NPAS3: variants seen among roughly 807,000 people sequenced by gnomAD.
NPAS3 encodes the protein neuronal PAS domain protein 3, also known as neuronal PAS domain-containing protein 3.
A neutral mutation model predicts 73.1 loss-of-function variants in NPAS3; 14 were observed. The ratio of observed to expected loss-of-function variants is 0.19; its 90% confidence interval spans 0.13 to 0.30. The LOEUF (loss-of-function observed/expected upper bound fraction) is 0.30. Among genes scored for constraint, NPAS3 ranks in the 10% least tolerant of loss-of-function variants. The pLI is 1.00. For missense variants in NPAS3, 1,096 were observed against 1,250.0 expected, an observed-to-expected ratio of 0.88 and a Z score of 1.86; for synonymous variants, 620 against 541.5, an observed-to-expected ratio of 1.14 and a Z score of -2.01.
chr14:33,488,008 T>C (rs1391141968), intron 4 of NPAS3, among the ~76,000 whole-genome samples: 1 of 152,082 alleles, frequency 6.6e-6, no homozygotes. Context: ...ATTCACTGTA[T>C]ATGAGGCCCT....
At chr14:32,945,282 A>G (rs941956180) in intron 1 of NPAS3, among the ~76,000 whole-genome samples, 1 of 152,226 alleles carries the variant, frequency 6.6e-6, no homozygotes, top group African/African-American at 2.4e-5. Context: ...AAGATACTGT[A>G]TAAATTGAAG....
upstream of NPAS3, among the ~76,000 whole-genome samples, chr14:32,936,930 C>CTTTT (rs35877969): frequency 7.9e-5 from 11 of 139,776 alleles, no homozygotes; most frequent in African/African-American, 2.1e-4. Context: ...AAGACTAAGG[C>CTTTT]TTTTTTTTTT....
intron 3 of NPAS3, among the ~76,000 whole-genome samples, chr14:33,229,993 G>A (rs1374589634): frequency 6.6e-6 from 1 of 152,140 alleles, no homozygotes; most frequent in Non-Finnish European, 1.5e-5. Flanking sequence ...GGTAAGGCAG[G>A]GTGTGACAAG....
chr14:33,077,852 G>A (rs1027043750), intron 2 of NPAS3, among the ~76,000 whole-genome samples: 12 of 131,848 alleles, frequency 9.1e-5, no homozygotes, highest in Non-Finnish European at 1.7e-4. Flanking sequence ...AATTCTCATT[G>A]AAAATACATA....
chr14:33,630,720 C>G (rs1007286559), intron 5 of NPAS3, among the ~76,000 whole-genome samples: 6 of 152,222 alleles, frequency 3.9e-5, no homozygotes, highest in African/African-American at 1.2e-4. Context: ...AATAATGAAT[C>G]AATATATGCC....
At chr14:33,403,477 T>G (rs1594843844) in intron 4 of NPAS3, among the ~76,000 whole-genome samples, 1 of 152,106 alleles carries the variant, frequency 6.6e-6, no homozygotes, top group East Asian at 1.9e-4. Context: ...AACACCTGCT[T>G]CTATTATTCC....
intron 3 of NPAS3, among the ~76,000 whole-genome samples, chr14:33,241,307 T>C (rs1219921879): frequency 6.6e-6 from 1 of 151,998 alleles, no homozygotes; most frequent in Non-Finnish European, 1.5e-5. Flanking sequence ...ATTATCACTA[T>C]AAGATAAATT....
At chr14:33,517,560 C>T (rs1039965307) in intron 4 of NPAS3, among the ~76,000 whole-genome samples, 3 of 151,980 alleles carry the variant, frequency 2.0e-5, no homozygotes, top group African/African-American at 7.2e-5. Flanking sequence ...TAGGCTGTTT[C>T]TTCTCCCACA....
intron 7 of NPAS3, among the ~76,000 whole-genome samples, chr14:33,747,241 C>T (rs2383524): frequency 0.27 from 40,441 of 151,638 alleles, 6,616 homozygotes; most frequent in African/African-American, 0.46. Context: ...ATAGACACCA[C>T]GGAATACTAG....
chr14:33,342,800 C>T (rs1408625976), intron 3 of NPAS3, among the ~76,000 whole-genome samples: 3 of 151,916 alleles, frequency 2.0e-5, no homozygotes, highest in African/African-American at 7.3e-5. Flanking sequence ...TGCTGGGGTG[C>T]AGTTTAATGA....
chr14:33,558,601 T>A (rs2055478467), intron 4 of NPAS3, among the ~76,000 whole-genome samples: 1 of 151,788 alleles, frequency 6.6e-6, no homozygotes, highest in Non-Finnish European at 1.5e-5. Flanking sequence ...ATATAATATA[T>A]GTGTGTGCAT....
At chr14:33,474,699 G>A (rs10142106) in intron 4 of NPAS3, among the ~76,000 whole-genome samples, 14,969 of 152,020 alleles carry the variant, frequency 0.098, 1,463 homozygotes, top group African/African-American at 0.25. Flanking sequence ...ATTTGAGAAT[G>A]ATTAGGAAGT....
rs115825225 is a variant in NPAS3, at chr14:33,345,949, A to G, written c.386-21237A>G. On this transcript the variant is annotated intron_variant, in intron 3 of 11. Transcript: ENST00000356141. ...ATGGGATACATAGAAGTGTTGATTC[A>G]GGGCTGGGCACGGTGGTTCATGCCT... Among the ~76,000 whole-genome samples the G allele has an allele frequency of 1.8e-3, 272 of 152,248 alleles. 1 individual carries two copies. Among genetic ancestry groups the G allele is most frequent in the African/African-American group, 6.2e-3 (257 of 41,552 alleles).
chr14:33,458,665 C>T (rs185226039), intron 4 of NPAS3, among the ~76,000 whole-genome samples: 178 of 152,272 alleles, frequency 1.2e-3, no homozygotes, highest in Non-Finnish European at 1.9e-3. Context: ...TGCTGTCTAT[C>T]GTTCTTCAGT....
At chr14:33,446,980 T>A (rs2049537950) in intron 4 of NPAS3, among the ~76,000 whole-genome samples, 1 of 152,244 alleles carries the variant, frequency 6.6e-6, no homozygotes, top group Non-Finnish European at 1.5e-5. Flanking sequence ...CTTACAAATA[T>A]TTACCAAATA....
At chr14:33,395,056 C>G (rs1358180608) in intron 4 of NPAS3, among the ~76,000 whole-genome samples, 2 of 152,070 alleles carry the variant, frequency 1.3e-5, no homozygotes, top group Non-Finnish European at 2.9e-5. Context: ...CTGGTTGTAG[C>G]AAAAGTATGT....
Position 32,960,627 on chromosome 14 carries a change from C to A in NPAS3, c.50+21261C>A, listed in dbSNP as rs1262935082. Among the ~76,000 whole-genome samples, 7 of 152,272 alleles carry A rather than the reference C, an allele frequency of 4.6e-5. No homozygotes were observed. In the East Asian group the frequency reaches 1.2e-3, roughly 25 times the overall value. On this transcript the variant is annotated intron_variant, in intron 1 of 11. Coordinates refer to ENST00000356141, the Ensembl canonical transcript of NPAS3. ...TTTCTTCATTACTCTACCAATTAGT[C>A]AAATGCAGTCGTCCATTTATTTGTT... is the stretch of plus-strand genomic sequence containing the variant.
rs182122544 is a variant in NPAS3 at position 33,626,248 on chromosome 14, A to G, written c.559-49963A>G. Reference sequence around the variant, plus strand: ...AAAATTTCTTATTGTATTGAAGGTAATATTTGCATAAAATTTACCTTTAGA... The same window carrying G: ...AAAATTTCTTATTGTATTGAAGGTAGTATTTGCATAAAATTTACCTTTAGA... On this transcript the variant is annotated intron_variant, in intron 5 of 11. Transcript: ENST00000356141. Among the ~76,000 whole-genome samples the G allele has an allele frequency of 1.9e-3, 286 of 152,332 alleles. 1 individual carries two copies. The highest frequency in any genetic ancestry group is 6.2e-3 in the African/African-American group (257 of 41,588).
intron 3 of NPAS3, among the ~76,000 whole-genome samples, chr14:33,223,798 G>T (rs760377121): frequency 5.6e-4 from 84 of 151,314 alleles, no homozygotes; most frequent in Non-Finnish European, 8.4e-4. Flanking sequence ...GTACATGGAG[G>T]TACCATATCT....
Sources: gnomAD v4.1 joint callset for allele counts (sites outside exome capture counted in the v4.1 genomes callset) on GRCh38, gnomAD v4.1.1 for gene constraint, MANE v1.5 for transcripts, NCBI Gene and HGNC (gene_info 2026-07-23, HGNC 2026-07-21) for gene names.